TMEM38B: variants seen among roughly 807,000 people sequenced by gnomAD.
The protein encoded by TMEM38B is trimeric intracellular cation channel type B.
In TMEM38B, 24 loss-of-function variants were observed where a neutral mutation model predicts 28.7. The observed-to-expected ratio is 0.84, with a 90% CI of 0.61 to 1.18. The LOEUF (loss-of-function observed/expected upper bound fraction) is 1.18, where lower values mean the gene tolerates loss of function less well. Among genes scored for constraint, TMEM38B ranks in the 50% most tolerant of loss-of-function variants. The pLI is 0.00. For synonymous variants in TMEM38B, 131 were observed against 127.7 expected (o/e 1.03, Z -0.17); for missense variants, 380 against 350.9 (o/e 1.08, Z -0.66).
intron 4 of TMEM38B, among the ~76,000 whole-genome samples, chr9:105,746,664 C>A (rs10978231): frequency 0.21 from 31,867 of 151,758 alleles, 5,205 homozygotes; most frequent in East Asian, 0.46. Context: ...CCAGTTTTCA[C>A]AGGGAATGCT....
intron 4 of TMEM38B, 55 bp from the exon 5 acceptor site, chr9:105,748,018 G>GT: frequency 8.2e-7 from 1 of 1,217,166 alleles, no homozygotes; most frequent in South Asian, 1.2e-5. Flanking sequence ...CTTTGAGAAA[G>GT]TTAGAGATAT....
rs183028072 is a variant in TMEM38B, at chr9:105,713,567, T to G, written c.269+7814T>G. Among the ~76,000 whole-genome samples, 455 of 152,202 alleles carry G rather than the reference T, an allele frequency of 3.0e-3. 1 individual carries two copies. The highest frequency in any genetic ancestry group is 5.4e-3 in the Non-Finnish European group (370 of 67,984). Reference sequence around the variant, plus strand: ...GCGGGAGGGGAAACTGAGGGGTGGCTGAGGGTGGCCAGGCGCTGGCCTGCA... The same window carrying G: ...GCGGGAGGGGAAACTGAGGGGTGGCGGAGGGTGGCCAGGCGCTGGCCTGCA... On this transcript the variant is annotated intron_variant, in intron 2 of 5. Transcript: ENST00000374692.
In TMEM38B at chr9:105,718,272, C is replaced by T. The variant is rs867714023; in HGVS notation, c.270-3265C>T. 2.8e-4 allele frequency among the ~76,000 whole-genome samples: 42 copies of T among 147,468 alleles called. No homozygotes were observed. The Middle Eastern group carries it at 0.014, about 49-fold the overall frequency. On this transcript the variant is annotated intron_variant, in intron 2 of 5. Transcript: ENST00000374692. Reference sequence around the variant, plus strand: ...TTTTTTTTTTAGATGGGGTCTTGCTCTTGTTGCCTAGGCTGGAGTGCAATG... The same window carrying T: ...TTTTTTTTTTAGATGGGGTCTTGCTTTTGTTGCCTAGGCTGGAGTGCAATG...
intron 2 of TMEM38B, among the ~76,000 whole-genome samples, chr9:105,717,744 C>T (rs544356994): frequency 6.6e-6 from 1 of 152,174 alleles, no homozygotes; most frequent in South Asian, 2.1e-4. Context: ...ATAACTTCCC[C>T]CTGCTGTATA....
At chr9:105,721,796 A>G (rs1437926515) in intron 3 of TMEM38B, 75 bp downstream of exon 3, 4 of 1,132,686 alleles carry the variant, frequency 3.5e-6, no homozygotes, top group East Asian at 2.6e-5. Context: ...ACAATTCTCT[A>G]GTTACATTAA....
intron 4 of TMEM38B, among the ~76,000 whole-genome samples, chr9:105,742,549 A>C (rs1055182770): frequency 3.3e-5 from 5 of 152,242 alleles, no homozygotes; most frequent in African/African-American, 1.2e-4. Context: ...TATAGTAAGC[A>C]TAAGAATTTT....
At chr9:105,725,957 T>G (rs1181096938) in intron 4 of TMEM38B, among the ~76,000 whole-genome samples, 1 of 152,186 alleles carries the variant, frequency 6.6e-6, no homozygotes, top group East Asian at 1.9e-4. Context: ...TGTAACTTTT[T>G]TCTTTTTTAA....
chr9:105,732,588 T>G (rs1836794113), intron 4 of TMEM38B, among the ~76,000 whole-genome samples: 1 of 152,214 alleles, frequency 6.6e-6, no homozygotes, highest in Non-Finnish European at 1.5e-5. Context: ...TTTCTTGTTT[T>G]TCTCAGATTT....
At chr9:105,733,414 C>CTTTTTTTTT (rs1238601451) in intron 4 of TMEM38B, among the ~76,000 whole-genome samples, 1 of 123,840 alleles carries the variant, frequency 8.1e-6, no homozygotes, top group African/African-American at 3.6e-5. Flanking sequence ...TTGCAGTTTT[C>CTTTTTTTTT]TTTTTTCTTT....
intron 5 of TMEM38B, among the ~76,000 whole-genome samples, chr9:105,768,137 A>T (rs991603833): frequency 2.0e-5 from 3 of 152,118 alleles, no homozygotes; most frequent in Non-Finnish European, 4.4e-5. Flanking sequence ...TTTATCATGA[A>T]TGGGTGTGGG....
At chr9:105,746,012 C>T (rs1463182364) in intron 4 of TMEM38B, among the ~76,000 whole-genome samples, 3 of 152,100 alleles carry the variant, frequency 2.0e-5, no homozygotes, top group East Asian at 3.9e-4. Flanking sequence ...AGTCAGGTAG[C>T]ATGATGCCTC....
intron 4 of TMEM38B, among the ~76,000 whole-genome samples, chr9:105,728,147 GTT>G (rs1210713724): frequency 2.6e-5 from 4 of 152,152 alleles, no homozygotes; most frequent in Admixed American, 2.0e-4. Context: ...CAACGTGCAG[GTT>G]TGTTACATAG....
chr9:105,758,989 T>C, intron 5 of TMEM38B: 4 of 1,087,416 alleles, frequency 3.7e-6, no homozygotes, highest in Non-Finnish European at 5.7e-6. Flanking sequence ...CAATATATAA[T>C]GTACAACATG....
chr9:105,773,701 G>T (rs972397147), intron 5 of TMEM38B, among the ~76,000 whole-genome samples, 164 bp from the exon 6 acceptor site: 4 of 152,114 alleles, frequency 2.6e-5, no homozygotes, highest in Non-Finnish European at 5.9e-5. Flanking sequence ...TTTCCATTAA[G>T]TAGAATCTCA....
intron 3 of TMEM38B, among the ~76,000 whole-genome samples, chr9:105,722,301 C>CT (rs1836345509): frequency 6.6e-6 from 1 of 152,112 alleles, no homozygotes; most frequent in Admixed American, 6.5e-5. Context: ...AACTTCTAAC[C>CT]ATATCTTTGT....
chr9:105,766,851 A>C (rs1826390818), intron 5 of TMEM38B, among the ~76,000 whole-genome samples: 1 of 151,146 alleles, frequency 6.6e-6, no homozygotes, highest in Non-Finnish European at 1.5e-5. Flanking sequence ...TTAACTAGTC[A>C]TTTACATTAG....
intron 2 of TMEM38B, among the ~76,000 whole-genome samples, chr9:105,709,531 C>T (rs1835818436): frequency 6.6e-6 from 1 of 152,170 alleles, no homozygotes. Context: ...ACCCAGTAGA[C>T]ATTTACTGAA....
chr9:105,749,000 GA>G, intron 5 of TMEM38B: 1 of 1,160,240 alleles, frequency 8.6e-7, no homozygotes, highest in Middle Eastern at 2.8e-4. Context: ...TTTTTAAAAG[GA>G]AAACAGGATA....
intron 5 of TMEM38B, among the ~76,000 whole-genome samples, chr9:105,773,480 G>A (rs2133659448): frequency 6.6e-6 from 1 of 152,178 alleles, no homozygotes; most frequent in East Asian, 1.9e-4. Flanking sequence ...CAATGATGAG[G>A]GTAATAATAG....
Sources: gnomAD v4.1 joint callset for allele counts (sites outside exome capture counted in the v4.1 genomes callset) on GRCh38, gnomAD v4.1.1 for gene constraint, MANE v1.5 for transcripts, NCBI Gene and HGNC (gene_info 2026-07-23, HGNC 2026-07-21) for gene names.